DYNLT2B: variants seen among roughly 807,000 people sequenced by gnomAD.
DYNLT2B encodes dynein light chain Tctex-type 2B.
DYNLT2B carries 14 observed loss-of-function variants against 19.5 expected under a neutral mutation model. That is an observed-to-expected ratio of 0.72 (90% CI 0.47 to 1.12). The LOEUF is 1.12. Among genes scored for constraint, DYNLT2B ranks in the 50% most tolerant of loss-of-function variants. The pLI is 0.00. For missense variants in DYNLT2B, 133 were observed against 174.7 expected, an observed-to-expected ratio of 0.76 and a Z score of 1.35; for synonymous variants, 70 against 59.7, an observed-to-expected ratio of 1.17 and a Z score of -0.79.
At chr3:196,311,706 CAG>C (rs1313284165) in intron 2 of DYNLT2B, among the ~76,000 whole-genome samples, 2 of 147,538 alleles carry the variant, frequency 1.4e-5, no homozygotes, top group East Asian at 2.0e-4. Context: ...TATTTTGAGA[CAG>C]AGTCTCGCTC....
Position 196,291,421 on chromosome 3 carries a change from A to G in DYNLT2B, c.382-47T>C, listed in dbSNP as rs369399027. ...CACACACATCCAGAATGTTAGTACT[A>G]AAGAGGGAATGAGAGCAGCACAGGC... On this transcript the variant is annotated intron_variant, in intron 4 of 4. Coordinates refer to ENST00000325318, the MANE Select transcript of DYNLT2B (RefSeq NM_152773.5). The G allele has an allele frequency of 3.8e-5, 60 of 1,574,078 alleles. No homozygotes were observed. In the African/African-American group the frequency reaches 7.9e-4, roughly 21 times the overall value.
intron 3 of DYNLT2B, among the ~76,000 whole-genome samples, chr3:196,301,648 G>C (rs1726354440): frequency 6.6e-6 from 1 of 152,124 alleles, no homozygotes; most frequent in Non-Finnish European, 1.5e-5. Flanking sequence ...GGAAGGTGGA[G>C]GCTGCAGTGA....
At chr3:196,311,661 T>TTTTTTTTATTTA (rs1553841936) in intron 2 of DYNLT2B, among the ~76,000 whole-genome samples, 8 of 147,558 alleles carry the variant, frequency 5.4e-5, no homozygotes, top group African/African-American at 2.0e-4. Flanking sequence ...ATGAGGATTA[T>TTTTTTTTATTTA]TTTATTTATT....
At chr3:196,317,999 C>A in intron 1 of DYNLT2B, 41 bp downstream of exon 1, 2 of 1,306,016 alleles carry the variant, frequency 1.5e-6, no homozygotes, top group Non-Finnish European at 1.0e-6. Context: ...CTCAGACCAG[C>A]GCGCTCGAGG....
At chr3:196,317,996 C>A (rs747016825) in intron 1 of DYNLT2B, 44 bp downstream of exon 1, 1 of 1,293,456 alleles carries the variant, frequency 7.7e-7, no homozygotes, top group Non-Finnish European at 1.0e-6. Context: ...CCCCTCAGAC[C>A]AGCGCGCTCG....
At chr3:196,293,757 G>T (rs1177464671) in intron 4 of DYNLT2B, among the ~76,000 whole-genome samples, 1 of 145,100 alleles carries the variant, frequency 6.9e-6, no homozygotes, top group Non-Finnish European at 1.5e-5. Context: ...CAATTCTCCT[G>T]CCTCAGCCTC....
intron 3 of DYNLT2B, among the ~76,000 whole-genome samples, chr3:196,305,413 A>T (rs532862213): frequency 6.6e-6 from 1 of 152,364 alleles, no homozygotes; most frequent in South Asian, 2.1e-4. Context: ...AAACAATACC[A>T]TAGGTATATA....
At chr3:196,309,720 A>T (rs1726583293) in intron 2 of DYNLT2B, among the ~76,000 whole-genome samples, 1 of 151,942 alleles carries the variant, frequency 6.6e-6, no homozygotes, top group Admixed American at 6.6e-5. Flanking sequence ...TGGGAGGCTG[A>T]GGCGGGTGGA....
chr3:196,291,428 G>T (rs1387238138), intron 4 of DYNLT2B, 54 bp from the exon 5 acceptor site: 2 of 1,555,278 alleles, frequency 1.3e-6, no homozygotes, highest in African/African-American at 1.4e-5. Context: ...ACTAAAGAGG[G>T]AATGAGAGCA....
chr3:196,294,952 G>A (rs2108790077), intron 4 of DYNLT2B, among the ~76,000 whole-genome samples: 1 of 152,066 alleles, frequency 6.6e-6, no homozygotes, highest in African/African-American at 2.4e-5. Flanking sequence ...ATGTTGGCCA[G>A]GCTGCTCTCA....
At chr3:196,314,399 G>T (rs1726719937) in intron 2 of DYNLT2B, among the ~76,000 whole-genome samples, 1 of 148,958 alleles carries the variant, frequency 6.7e-6, no homozygotes, top group Non-Finnish European at 1.5e-5. Flanking sequence ...GGAGGAGGAG[G>T]TTGCAGTGAG....
At chr3:196,297,181 TAA>T (rs555539393) in intron 3 of DYNLT2B, among the ~76,000 whole-genome samples, 168 of 148,332 alleles carry the variant, frequency 1.1e-3, no homozygotes, top group African/African-American at 4.1e-3. Context: ...CCCTGGCTCT[TAA>T]AAAAAAAATT....
At chr3:196,317,021 A>AGTGTGT (rs113141859) in intron 1 of DYNLT2B, among the ~76,000 whole-genome samples, 6 of 45,950 alleles carry the variant, frequency 1.3e-4, no homozygotes, top group East Asian at 9.7e-4. Context: ...CATTTTTTTC[A>AGTGTGT]GTGTGTGTGT....
At chr3:196,300,180 T>A (rs1388908271) in intron 3 of DYNLT2B, among the ~76,000 whole-genome samples, 1 of 152,202 alleles carries the variant, frequency 6.6e-6, no homozygotes, top group African/African-American at 2.4e-5. Context: ...TTTAGTTCAA[T>A]GAAACCCATT....
intron 4 of DYNLT2B, among the ~76,000 whole-genome samples, chr3:196,291,698 T>C (rs1726100395): frequency 6.6e-6 from 1 of 152,222 alleles, no homozygotes. Context: ...CAGGCTGTTC[T>C]TGAACTCCTG....
chr3:196,302,847 C>A (rs1352654735), intron 3 of DYNLT2B, among the ~76,000 whole-genome samples: 1 of 152,020 alleles, frequency 6.6e-6, no homozygotes, highest in Non-Finnish European at 1.5e-5. Flanking sequence ...CTTGTTCATT[C>A]CTGGGCGTAG....
intron 3 of DYNLT2B, among the ~76,000 whole-genome samples, chr3:196,304,663 C>T (rs1726442167): frequency 6.6e-6 from 1 of 150,912 alleles, no homozygotes; most frequent in African/African-American, 2.4e-5. Flanking sequence ...TGCACTACAG[C>T]CTGGGAGACA....
intron 1 of DYNLT2B, among the ~76,000 whole-genome samples, chr3:196,317,021 A>AGT (rs113141859): frequency 0.026 from 1,204 of 45,884 alleles, 77 homozygotes; most frequent in African/African-American, 0.066. Context: ...CATTTTTTTC[A>AGT]GTGTGTGTGT....
Position 196,296,071 on chromosome 3 carries a change from TAA to T in DYNLT2B, c.318-4_318-3del, listed in dbSNP as rs755893980. 5 of 1,613,528 alleles carry T rather than the reference TAA, an allele frequency of 3.1e-6. No homozygotes were observed. In the Admixed American group the frequency reaches 8.3e-5, roughly 27 times the overall value. On this transcript the variant is annotated splice_polypyrimidine_tract_variant and splice_region_variant and intron_variant, in intron 3 of 4. Coordinates refer to ENST00000325318, the MANE Select transcript of DYNLT2B (RefSeq NM_152773.5). ...TCCCAGAAACAGCGAGAAGCCATGC[TAA>T]AAAATCCAAGAATGAAGAATTATCA... is the stretch of plus-strand genomic sequence containing the variant.
Sources: allele counts gnomAD v4.1 joint callset (sites outside exome capture counted in the v4.1 genomes callset), GRCh38; gene constraint gnomAD v4.1.1; transcripts MANE v1.5; gene names NCBI Gene and HGNC (gene_info 2026-07-23, HGNC 2026-07-21).